PC: variants seen among roughly 807,000 people sequenced by gnomAD.
The protein encoded by PC is pyruvate carboxylase.
In PC, 46 loss-of-function variants were observed where a neutral mutation model predicts 107.8. The observed-to-expected ratio is 0.43, with a 90% CI of 0.34 to 0.55. The LOEUF is 0.55. PC is among the 20% of genes least tolerant of loss of function. The pLI is 0.04. For synonymous variants in PC, 662 were observed against 684.7 expected (o/e 0.97, Z 0.52); for missense variants, 1,241 against 1,643.1 (o/e 0.76, Z 4.23).
chr11:66,931,625 A>AG (rs1219845339), intron 3 of PC, among the ~76,000 whole-genome samples: 4 of 152,290 alleles, frequency 2.6e-5, no homozygotes, highest in Admixed American at 6.5e-5. Flanking sequence ...AGAGTACTGC[A>AG]GACTTTTTAT....
intron 3 of PC, among the ~76,000 whole-genome samples, chr11:66,949,507 C>T (rs1949388657): frequency 6.6e-6 from 1 of 151,542 alleles, no homozygotes; most frequent in African/African-American, 2.4e-5. Context: ...CCAGCCTGAC[C>T]AACATGAAGA....
intron 12 of PC, among the ~76,000 whole-genome samples, chr11:66,853,874 C>T (rs915278255): frequency 1.3e-5 from 2 of 152,262 alleles, no homozygotes; most frequent in Non-Finnish European, 2.9e-5. Context: ...CCCAGCTCCT[C>T]ACACACCACA....
At chr11:66,898,634 T>C (rs1947844794) in intron 3 of PC, among the ~76,000 whole-genome samples, 2 of 152,154 alleles carry the variant, frequency 1.3e-5, no homozygotes, top group South Asian at 4.1e-4. Flanking sequence ...AAGCCGAGAT[T>C]GCGCCACTGC....
chr11:66,886,454 GCTCA>G (rs61507062), intron 3 of PC, among the ~76,000 whole-genome samples: 4,178 of 152,242 alleles, frequency 0.027, 86 homozygotes, highest in African/African-American at 0.046. Context: ...GCAACTGAGA[GCTCA>G]GGACCACTGT....
chr11:66,883,757 C>T (rs1466400209), intron 3 of PC, among the ~76,000 whole-genome samples: 1 of 152,106 alleles, frequency 6.6e-6, no homozygotes, highest in Non-Finnish European at 1.5e-5. Context: ...AGAAATACTT[C>T]AGGTCACAAT....
In PC at chr11:66,848,558, C is replaced by G. The variant is rs1288754534; in HGVS notation, c.*341G>C. The G allele has an allele frequency of 8.4e-6, 5 of 595,580 alleles. No homozygotes were observed. Among genetic ancestry groups the G allele is most frequent in the Non-Finnish European group, 1.5e-5 (5 of 334,676 alleles). 36.9% of individuals were successfully genotyped at this position (595,580 alleles called of 1,614,324 possible). On this transcript the variant is annotated 3_prime_UTR_variant, in exon 23 of 23. Coordinates refer to ENST00000393960, the MANE Select transcript of PC (RefSeq NM_001040716.2). The stretch of plus-strand genomic sequence containing the variant: ...AAAGCCAGCTTTATTGAGTAAACTT[C>G]CCAGGACCTGGGACATCTTAGATCT...
intron 3 of PC, among the ~76,000 whole-genome samples, chr11:66,888,257 G>T (rs577928567): frequency 1.3e-5 from 2 of 152,316 alleles, no homozygotes; most frequent in African/African-American, 4.8e-5. Context: ...GAAGCTTCTG[G>T]AGTAATGTCC....
chr11:66,848,837 C>T lies in PC; in HGVS notation c.*62G>A. 6.2e-7 allele frequency: 1 copy of T among 1,609,682 alleles called. No individual in the cohort carries two copies. The highest frequency in any genetic ancestry group is 8.5e-7 in the Non-Finnish European group (1 of 1,178,420). On this transcript the variant is annotated 3_prime_UTR_variant, in exon 23 of 23. Transcript: ENST00000393960. ...TCGGGCACTGGCTGGCCTGGGCCTG[C>T]CGTGGCAGCACAGCTTCTGTTGAAG... is the stretch of plus-strand genomic sequence containing the variant.
intron 3 of PC, among the ~76,000 whole-genome samples, chr11:66,943,687 C>T (rs1194353326): frequency 8.6e-6 from 1 of 116,868 alleles, no homozygotes; most frequent in South Asian, 3.0e-4. Flanking sequence ...CGGGAAGCAG[C>T]GGAGCTTGTG....
chr11:66,871,160 C>T lies in PC; in HGVS notation c.525G>A (p.Thr175=), dbSNP rs370278016. ...AGAACTCGTGGGCCTCATGCAGGGA[C>T]GTGATGGGGGCATCTGTGCCAGGGA... is the stretch of plus-strand genomic sequence containing the variant. ...PVVPGTDAPI[T]SLHEAHEFSN... Residue 175 remains threonine, a synonymous_variant, in exon 7 of 23, where the codon ACG becomes ACA. Transcript: ENST00000393960. The surrounding 1 kb of genome is among the most constrained non-coding windows in gnomAD (Gnocchi z 7.4). The T allele has an allele frequency of 3.3e-5, 53 of 1,613,580 alleles. No individual in the cohort carries two copies. Among genetic ancestry groups the T allele is most frequent in the East Asian group, 3.1e-4 (14 of 44,858 alleles).
chr11:66,943,787 A>G (rs1949213290), intron 3 of PC, among the ~76,000 whole-genome samples: 1 of 119,616 alleles, frequency 8.4e-6, no homozygotes, highest in African/African-American at 3.3e-5. Flanking sequence ...AAAAAAAAAG[A>G]AATTTCTCAA....
rs545325258 is a variant in PC at position 66,860,753 on chromosome 11, C to T, written c.1368+3021G>A. The T allele has an allele frequency of 1.2e-4, 86 of 698,820 alleles. 1 individual carries two copies. Among genetic ancestry groups the T allele is most frequent in the South Asian group, 7.6e-4 (51 of 66,728 alleles). The allele number at this position is 698,820 out of a possible 1,614,324, so 43.3% of individuals were successfully genotyped here. On this transcript the variant is annotated intron_variant, in intron 12 of 22. Coordinates refer to ENST00000393960, the MANE Select transcript of PC (RefSeq NM_001040716.2). ...CCCTTCCTGCCAGGTGGCGACAGGA[C>T]GCCGTATCCAGTGTAAAGCCTGGGG...
intron 3 of PC, among the ~76,000 whole-genome samples, chr11:66,929,539 G>C (rs1422169767): frequency 1.3e-5 from 2 of 152,038 alleles, no homozygotes; most frequent in Non-Finnish European, 2.9e-5. Context: ...GCTAATTTTT[G>C]TATTTTTAGT....
chr11:66,868,663 T>TA (rs1946599408), intron 10 of PC, among the ~76,000 whole-genome samples, 183 bp downstream of exon 10: 1 of 152,244 alleles, frequency 6.6e-6, no homozygotes, highest in South Asian at 2.1e-4. Flanking sequence ...CTGATTTTTA[T>TA]AATAACCACG....
chr11:66,938,441 T>C (rs1168380604), intron 3 of PC, among the ~76,000 whole-genome samples: 3 of 152,106 alleles, frequency 2.0e-5, no homozygotes, highest in Non-Finnish European at 4.4e-5. Flanking sequence ...CCCAAAACAA[T>C]TTTTTGGAAA....
chr11:66,917,062 G>A (rs538448950), intron 3 of PC, among the ~76,000 whole-genome samples: 1 of 152,028 alleles, frequency 6.6e-6, no homozygotes, highest in East Asian at 1.9e-4. Flanking sequence ...CTCACCCCAT[G>A]CAGGAATGTT....
In PC at chr11:66,870,926, G is replaced by A; in HGVS notation, c.634-34C>T. On this transcript the variant is annotated intron_variant, in intron 7 of 22. Coordinates refer to ENST00000393960, the MANE Select transcript of PC (RefSeq NM_001040716.2). The surrounding 1 kb of genome is among the most constrained non-coding windows in gnomAD (Gnocchi z 6.1). ...GCGGGCAGGGGCCAGCCAGACCTCA[G>A]ACCCCACAGCGCTACCTCTCCCCTG... The A allele has an allele frequency of 6.2e-7, 1 of 1,605,772 alleles. No individual in the cohort carries two copies. The highest frequency in any genetic ancestry group is 8.5e-7 in the Non-Finnish European group (1 of 1,175,430).
intron 11 of PC, among the ~76,000 whole-genome samples, chr11:66,865,437 G>A (rs1339675678): frequency 6.6e-6 from 1 of 152,264 alleles, no homozygotes; most frequent in Non-Finnish European, 1.5e-5. Flanking sequence ...GCACGTGCAG[G>A]GCTGGGAACA....
chr11:66,874,813 A>G (rs1029013151), intron 3 of PC, among the ~76,000 whole-genome samples: 2 of 152,168 alleles, frequency 1.3e-5, no homozygotes, highest in East Asian at 3.8e-4. Flanking sequence ...GATAAGAAAC[A>G]GGTGACATTT....
Sources: allele counts gnomAD v4.1 joint callset (sites outside exome capture counted in the v4.1 genomes callset), GRCh38; gene constraint gnomAD v4.1.1; non-coding constraint Gnocchi (gnomAD v3.1); transcripts MANE v1.5; gene names NCBI Gene and HGNC (gene_info 2026-07-23, HGNC 2026-07-21).